RGS7: variants seen among roughly 807,000 people sequenced by gnomAD.
RGS7 encodes the protein regulator of G protein signaling 7.
A neutral mutation model predicts 81.1 loss-of-function variants in RGS7; 27 were observed. The observed-to-expected ratio is 0.33, with a 90% CI of 0.25 to 0.46. The LOEUF (loss-of-function observed/expected upper bound fraction) is 0.46, where lower values mean the gene tolerates loss of function less well. Among genes scored for constraint, RGS7 ranks in the 20% least tolerant of loss-of-function variants. RGS7 has a pLI of 1.00. For missense variants in RGS7, 396 were observed against 607.4 expected, an observed-to-expected ratio of 0.65 and a Z score of 3.66; for synonymous variants, 208 against 207.7, an observed-to-expected ratio of 1.00 and a Z score of -0.01.
chr1:240,977,339 A>G (rs991079406), intron 4 of RGS7, among the ~76,000 whole-genome samples: 1 of 152,180 alleles, frequency 6.6e-6, no homozygotes, highest in Non-Finnish European at 1.5e-5. Context: ...TGTAAGACTA[A>G]TGCAATTTAT....
rs537803804 is a variant in RGS7 at position 241,175,663 on chromosome 1, T to C, written c.79-76901A>G. ...TCACAGAAAGGAGTGTGCAGAGCCA[T>C]GGTGGAGGGAAATCCACCACAGAGC... On this transcript the variant is annotated intron_variant, in intron 2 of 18. Transcript: ENST00000440928. 3.9e-5 allele frequency among the ~76,000 whole-genome samples: 6 copies of C among 152,296 alleles called. No individual in the cohort carries two copies. The South Asian group carries it at 1.2e-3, about 32-fold the overall frequency.
intron 6 of RGS7, among the ~76,000 whole-genome samples, chr1:240,927,778 T>C (rs184999909): frequency 6.6e-6 from 1 of 152,318 alleles, no homozygotes; most frequent in East Asian, 1.9e-4. Flanking sequence ...ACCAATAATA[T>C]GTTTCTTCAG....
intron 2 of RGS7, among the ~76,000 whole-genome samples, chr1:241,263,562 C>G (rs1050736520): frequency 6.6e-6 from 1 of 152,074 alleles, no homozygotes; most frequent in Non-Finnish European, 1.5e-5. Flanking sequence ...ATTCAGCAGG[C>G]ATTTATTTAC....
intron 2 of RGS7, among the ~76,000 whole-genome samples, chr1:241,239,363 T>C (rs1461622211): frequency 2.0e-5 from 3 of 152,138 alleles, no homozygotes; most frequent in Non-Finnish European, 4.4e-5. Context: ...TGCTGGTCAG[T>C]GTCCTGGTCC....
At chr1:240,961,972 A>C (rs1681523989) in intron 4 of RGS7, among the ~76,000 whole-genome samples, 1 of 152,222 alleles carries the variant, frequency 6.6e-6, no homozygotes, top group Non-Finnish European at 1.5e-5. Context: ...GAGAGAGAAG[A>C]AAAGAATCTG....
intron 6 of RGS7, among the ~76,000 whole-genome samples, chr1:240,912,150 CAAAAAAAAAA>C (rs374318547): frequency 5.4e-5 from 3 of 55,782 alleles, no homozygotes; most frequent in African/African-American, 1.8e-4. Context: ...GATTCTGTCT[CAAAAAAAAAA>C]AAAAAAAAAA....
At chr1:240,781,884 G>A (rs998563422) in intron 18 of RGS7, among the ~76,000 whole-genome samples, 50 of 151,846 alleles carry the variant, frequency 3.3e-4, no homozygotes, top group Admixed American at 9.2e-4. Context: ...GCATGGTGGC[G>A]GTCACCTGTA....
rs1283298627 is a variant in RGS7, at chr1:240,806,390, T to C, written c.1083-64A>G. ...CCATCATCTGAAAATTCTTGTGACATTTACGGATCATGCAGTTCATCATGA... is the reference window on the plus strand; with the variant it reads ...CCATCATCTGAAAATTCTTGTGACACTTACGGATCATGCAGTTCATCATGA... On this transcript the variant is annotated intron_variant, in intron 14 of 18. Transcript: ENST00000440928. 6 of 1,503,476 alleles carry C rather than the reference T, an allele frequency of 4.0e-6. No homozygotes were observed. The Admixed American group carries it at 6.7e-5, about 17-fold the overall frequency. The allele number at this position is 1,503,476 out of a possible 1,614,324, so 93.1% of individuals were successfully genotyped here. A position where few individuals can be genotyped will look rare whatever the true frequency, so the allele number is the denominator to read the frequency against.
chr1:241,046,487 C>T (rs539939515), intron 3 of RGS7, among the ~76,000 whole-genome samples: 14 of 152,248 alleles, frequency 9.2e-5, no homozygotes, highest in African/African-American at 3.4e-4. Flanking sequence ...GAAAAGTGGC[C>T]AAACTTTTGA....
At chr1:241,044,490 A>T (rs1572420872) in intron 3 of RGS7, among the ~76,000 whole-genome samples, 1 of 152,086 alleles carries the variant, frequency 6.6e-6, no homozygotes, top group African/African-American at 2.4e-5. Context: ...TGGCACAATC[A>T]TAGCTCACTG....
At chr1:241,152,545 G>A (rs1289261905) in intron 2 of RGS7, among the ~76,000 whole-genome samples, 1 of 152,166 alleles carries the variant, frequency 6.6e-6, no homozygotes, top group Non-Finnish European at 1.5e-5. Context: ...GCAGGCGTAG[G>A]TCTTGCTGAC....
chr1:241,047,618 C>T (rs142280368), intron 3 of RGS7, among the ~76,000 whole-genome samples: 1 of 151,464 alleles, frequency 6.6e-6, no homozygotes, highest in Non-Finnish European at 1.5e-5. Flanking sequence ...TTAGTACTTA[C>T]TAAATTGAAA....
chr1:240,879,738 C>T (rs1666066923), intron 6 of RGS7, among the ~76,000 whole-genome samples: 1 of 152,198 alleles, frequency 6.6e-6, no homozygotes, highest in South Asian at 2.1e-4. Flanking sequence ...TATTGCTTCC[C>T]TCCATAAATG....
intron 2 of RGS7, among the ~76,000 whole-genome samples, chr1:241,101,820 C>T (rs904152546): frequency 2.0e-5 from 3 of 152,174 alleles, no homozygotes; most frequent in African/African-American, 7.2e-5. Context: ...ACATGGAAAC[C>T]TCTCTGACTC....
intron 3 of RGS7, among the ~76,000 whole-genome samples, chr1:241,048,340 T>G (rs2061058911): frequency 6.6e-6 from 1 of 152,136 alleles, no homozygotes; most frequent in Admixed American, 6.5e-5. Flanking sequence ...TAAGAAATAG[T>G]AAGAGTTGGA....
At chr1:241,253,856 A>G (rs1399644331) in intron 2 of RGS7, among the ~76,000 whole-genome samples, 1 of 152,166 alleles carries the variant, frequency 6.6e-6, no homozygotes, top group Non-Finnish European at 1.5e-5. Flanking sequence ...GCAGTCAGAG[A>G]CAGACTAAGA....
At chr1:240,860,990 C>CT (rs1662099610) in intron 9 of RGS7, among the ~76,000 whole-genome samples, 1 of 152,252 alleles carries the variant, frequency 6.6e-6, no homozygotes, top group South Asian at 2.1e-4. Context: ...ATTTTCTCAA[C>CT]TACTCAGACT....
chr1:240,955,844 G>A (rs192054368), intron 4 of RGS7, among the ~76,000 whole-genome samples: 75 of 152,178 alleles, frequency 4.9e-4, no homozygotes, highest in African/African-American at 1.8e-3. Context: ...GACACTACAC[G>A]CAGGTCTTAT....
chr1:241,319,985 G>C (rs1475333934), intron 2 of RGS7, among the ~76,000 whole-genome samples: 2 of 152,134 alleles, frequency 1.3e-5, no homozygotes, highest in African/African-American at 4.8e-5. Flanking sequence ...CAGCTACTCA[G>C]GAGGCTGAGG....
Sources: allele counts gnomAD v4.1 joint callset (sites outside exome capture counted in the v4.1 genomes callset), GRCh38; gene constraint gnomAD v4.1.1; transcripts MANE v1.5; gene names NCBI Gene and HGNC (gene_info 2026-07-23, HGNC 2026-07-21).